ERI3: variants seen among roughly 807,000 people sequenced by gnomAD.
ERI3 encodes the protein ERI1 exoribonuclease 3.
Under a neutral mutation model 44.4 loss-of-function variants are expected in ERI3, and 18 were observed. That is an observed-to-expected ratio of 0.41 (90% CI 0.28 to 0.60). The LOEUF is 0.60. ERI3 is among the 20% of genes least tolerant of loss of function. The probability of loss-of-function intolerance (pLI) is 0.36; values close to 1 mark genes in which losing one functional copy is unlikely to be tolerated. For missense variants in ERI3, 294 were observed against 435.5 expected, an observed-to-expected ratio of 0.68 and a Z score of 2.89; for synonymous variants, 183 against 164.8, an observed-to-expected ratio of 1.11 and a Z score of -0.84.
intron 6 of ERI3, among the ~76,000 whole-genome samples, chr1:44,290,862 T>C (rs1461564912): frequency 6.6e-6 from 1 of 151,996 alleles, no homozygotes; most frequent in Non-Finnish European, 1.5e-5. Context: ...ACGCAGGGCA[T>C]CATTACACTG....
chr1:44,256,523 A>G (rs1365596329), intron 7 of ERI3, among the ~76,000 whole-genome samples: 2 of 152,180 alleles, frequency 1.3e-5, no homozygotes, highest in African/African-American at 4.8e-5. Flanking sequence ...TTCTCCGGCT[A>G]CCAACATACT....
intron 3 of ERI3, among the ~76,000 whole-genome samples, chr1:44,330,787 A>G (rs1452965390): frequency 6.6e-6 from 1 of 152,192 alleles, no homozygotes; most frequent in African/African-American, 2.4e-5. Context: ...AACACCCAGG[A>G]TAAGAGGATA....
Position 44,280,522 on chromosome 1 carries a change from A to AT in ERI3, c.831+4312dup, listed in dbSNP as rs534181374. On this transcript the variant is annotated intron_variant, in intron 7 of 8. Coordinates refer to ENST00000372257, the MANE Select transcript of ERI3 (RefSeq NM_024066.3). ...CCACTAGAAATGTATACAGGGTGAT[A>AT]TTTTTTATTATCACAACGACTCGGA... 6.6e-4 allele frequency among the ~76,000 whole-genome samples: 100 copies of AT among 152,254 alleles called. 1 individual carries two copies. Among genetic ancestry groups the AT allele is most frequent in the East Asian group, 6.0e-3 (31 of 5,190 alleles).
intron 2 of ERI3, among the ~76,000 whole-genome samples, chr1:44,347,895 G>T (rs570907387): frequency 1.4e-4 from 22 of 152,008 alleles, no homozygotes; most frequent in Non-Finnish European, 2.8e-4. Context: ...GTGTGTGTGT[G>T]TGTGTGTGTG....
At chr1:44,342,834 T>A (rs181732225) in intron 2 of ERI3, among the ~76,000 whole-genome samples, 795 of 21,750 alleles carry the variant, frequency 0.037, 12 homozygotes, top group Non-Finnish European at 0.049. Flanking sequence ...TATATATATA[T>A]ATATATATAT....
chr1:44,332,674 C>T (rs1345169500), intron 3 of ERI3, among the ~76,000 whole-genome samples: 1 of 152,228 alleles, frequency 6.6e-6, no homozygotes, highest in African/African-American at 2.4e-5. Context: ...ACAGGCCCTT[C>T]GGCTTTCACG....
At chr1:44,354,614 C>T (rs1646960291) in intron 1 of ERI3, 1 of 985,240 alleles carries the variant, frequency 1.0e-6, no homozygotes, top group African/African-American at 1.7e-5. Flanking sequence ...AATGTTCTAC[C>T]CACAATCTCC....
chr1:44,327,210 C>G (rs1352524086), intron 3 of ERI3, among the ~76,000 whole-genome samples: 1 of 152,150 alleles, frequency 6.6e-6, no homozygotes, highest in East Asian at 1.9e-4. Flanking sequence ...CCCCTGGAGG[C>G]ATCACTAAGG....
chr1:44,260,001 G>C (rs1317149177), intron 7 of ERI3, among the ~76,000 whole-genome samples: 3 of 152,006 alleles, frequency 2.0e-5, no homozygotes, highest in African/African-American at 7.3e-5. Context: ...AGCCAGGCCT[G>C]GGAAAAACTA....
intron 6 of ERI3, among the ~76,000 whole-genome samples, chr1:44,295,514 T>TTAGGCTACTACCG (rs1553192535): frequency 2.6e-5 from 4 of 152,148 alleles, no homozygotes; most frequent in Non-Finnish European, 5.9e-5. Flanking sequence ...GGTGCTGACT[T>TTAGGCTACTACCG]TAGGCTACTA....
At chr1:44,267,560 C>T (rs1383149882) in intron 7 of ERI3, among the ~76,000 whole-genome samples, 11 of 152,208 alleles carry the variant, frequency 7.2e-5, no homozygotes, top group Non-Finnish European at 5.9e-5. Flanking sequence ...GCAATCACAG[C>T]GCAATAAAGG....
At chr1:44,270,929 C>T (rs1645076704) in intron 7 of ERI3, among the ~76,000 whole-genome samples, 2 of 152,228 alleles carry the variant, frequency 1.3e-5, no homozygotes, top group African/African-American at 4.8e-5. Context: ...GCCAGCATTC[C>T]TCTAAGAGCT....
chr1:44,245,312 C>T (rs1319536824), intron 8 of ERI3, among the ~76,000 whole-genome samples: 1 of 152,178 alleles, frequency 6.6e-6, no homozygotes, highest in Non-Finnish European at 1.5e-5. Flanking sequence ...TCACCCACAC[C>T]TCAGAGCCAG....
At chr1:44,287,294 T>C (rs564881135) in intron 6 of ERI3, among the ~76,000 whole-genome samples, 26 of 152,278 alleles carry the variant, frequency 1.7e-4, no homozygotes, top group African/African-American at 6.0e-4. Context: ...AGATTACAAG[T>C]GCAAAATCCT....
chr1:44,342,789 G>GA (rs1646680965), intron 2 of ERI3, among the ~76,000 whole-genome samples: 1 of 106,756 alleles, frequency 9.4e-6, no homozygotes, highest in Non-Finnish European at 1.8e-5. Flanking sequence ...TTGGACCACA[G>GA]GCATGTGCCA....
intron 8 of ERI3, among the ~76,000 whole-genome samples, chr1:44,224,261 G>A (rs1310212838): frequency 1.3e-5 from 2 of 152,054 alleles, no homozygotes; most frequent in African/African-American, 4.8e-5. Context: ...AAGCCCTTCA[G>A]TGGCTCTCCT....
intron 3 of ERI3, among the ~76,000 whole-genome samples, chr1:44,325,404 A>T (rs1437760385): frequency 6.6e-6 from 1 of 152,012 alleles, no homozygotes; most frequent in African/African-American, 2.4e-5. Flanking sequence ...CTCAGCTAGG[A>T]ACCCCCAATG....
At chr1:44,350,278 T>C (rs916099663) in intron 2 of ERI3, among the ~76,000 whole-genome samples, 22 of 152,108 alleles carry the variant, frequency 1.4e-4, no homozygotes, top group Non-Finnish European at 3.1e-4. Flanking sequence ...TTTTTTTTTT[T>C]TGAGACAGAG....
chr1:44,235,187 G>GCAT lies in ERI3; in HGVS notation c.931+12749_931+12751dup, dbSNP rs1435312041. ...CACCTTGCCTGACTCAGCTCCCAAT[G>GCAT]CATCCAAACCCCTTTATAAAAGTCT... On this transcript the variant is annotated intron_variant, in intron 8 of 8. Transcript: ENST00000372257. This position sits in a 1 kb window ranked among gnomAD's most constrained non-coding sequence, Gnocchi z 4.6. Among the ~76,000 whole-genome samples, 1 of 152,074 alleles carries GCAT rather than the reference G, an allele frequency of 6.6e-6. No homozygotes were observed. The highest frequency in any genetic ancestry group is 6.5e-5 in the Admixed American group (1 of 15,284).
Sources: allele counts gnomAD v4.1 joint callset (sites outside exome capture counted in the v4.1 genomes callset), GRCh38; gene constraint gnomAD v4.1.1; non-coding constraint Gnocchi (gnomAD v3.1); transcripts MANE v1.5; gene names NCBI Gene and HGNC (gene_info 2026-07-23, HGNC 2026-07-21).